Variants in UBP1 observed in about 807,000 individuals in gnomAD.
UBP1 encodes upstream-binding protein 1.
In UBP1, 22 loss-of-function variants were observed where a neutral mutation model predicts 76.1. The ratio of observed to expected loss-of-function variants is 0.29; its 90% CI spans 0.21 to 0.41. The LOEUF is 0.41. Among genes scored for constraint, UBP1 ranks in the 10% least tolerant of loss-of-function variants. The probability of loss-of-function intolerance (pLI) is 1.00; values close to 1 mark genes in which losing one functional copy is unlikely to be tolerated. For missense variants in UBP1, 436 were observed against 668.1 expected (o/e 0.65, Z 3.83); for synonymous variants, 224 against 237.1 (o/e 0.94, Z 0.51).
At chr3:33,398,550 A>C (rs1274784155) in intron 11 of UBP1, 1 of 152,440 alleles carries the variant, frequency 6.6e-6, no homozygotes, top group Non-Finnish European at 1.5e-5. Context: ...GGATCAGAGC[A>C]AGAAGACTCA....
intron 2 of UBP1, 93 bp from the exon 3 acceptor site, chr3:33,416,927 T>C: frequency 9.4e-7 from 1 of 1,068,704 alleles, no homozygotes; most frequent in Non-Finnish European, 1.4e-6. Flanking sequence ...AGAACATACA[T>C]TACACAATGA....
At chr3:33,396,113 T>C (rs2043982283) in intron 13 of UBP1, 49 bp downstream of exon 13, 3 of 1,471,564 alleles carry the variant, frequency 2.0e-6, no homozygotes, top group South Asian at 2.7e-5. Flanking sequence ...TTTCCGTTTC[T>C]GTCTGACAGT....
intron 1 of UBP1, among the ~76,000 whole-genome samples, chr3:33,434,304 T>TC (rs373747298): frequency 0.089 from 12,905 of 144,562 alleles, 617 homozygotes; most frequent in Admixed American, 0.14. Flanking sequence ...TTTTTTTTTT[T>TC]TTTTTTTTTT....
At chr3:33,408,581 C>A in intron 8 of UBP1, 109 bp downstream of exon 8, 1 of 755,050 alleles carries the variant, frequency 1.3e-6, no homozygotes, top group Non-Finnish European at 2.1e-6. Context: ...TAAATCAAGA[C>A]ATGGACATCA....
At chr3:33,428,580 T>C (rs780175449) in intron 1 of UBP1, among the ~76,000 whole-genome samples, 3 of 152,020 alleles carry the variant, frequency 2.0e-5, no homozygotes, top group Non-Finnish European at 4.4e-5. Flanking sequence ...ACACAGAAAA[T>C]ACTATGCTCA....
intron 15 of UBP1, 136 bp from the exon 16 acceptor site, chr3:33,390,504 A>C: frequency 1.1e-6 from 1 of 895,918 alleles, no homozygotes; most frequent in East Asian, 2.6e-5. Flanking sequence ...AGAAACAAGC[A>C]GATTAACTTG....
At chr3:33,401,152 G>T in intron 9 of UBP1, 136 bp from the exon 10 acceptor site, 1 of 688,964 alleles carries the variant, frequency 1.5e-6, no homozygotes. Context: ...ATGAAAGTCT[G>T]CAACAAAATG....
chr3:33,398,228 C>CTAA (rs2044083606), intron 11 of UBP1: 1 of 152,194 alleles, frequency 6.6e-6, no homozygotes, highest in Admixed American at 6.5e-5. Context: ...TAGCCACTTA[C>CTAA]ATATGTAGAA....
chr3:33,421,674 T>C (rs190856927), intron 2 of UBP1, among the ~76,000 whole-genome samples: 3 of 152,372 alleles, frequency 2.0e-5, no homozygotes, highest in Admixed American at 1.3e-4. Context: ...CTCCAATTTC[T>C]ACTGACAAAG....
intron 13 of UBP1, among the ~76,000 whole-genome samples, chr3:33,395,490 A>C (rs17030579): frequency 6.6e-6 from 1 of 151,740 alleles, no homozygotes; most frequent in Non-Finnish European, 1.5e-5. Flanking sequence ...AAGAGGGAGA[A>C]GCCAAGATTA....
In UBP1 at chr3:33,412,249, C is replaced by G. The variant is rs189683251; in HGVS notation, c.448+473G>C. On this transcript the variant is annotated intron_variant, in intron 4 of 15. Transcript: ENST00000283629. ...TAAACGGTTTCAAAATCATAAAATT[C>G]CAGGTTCACATTAGTTTAGCACCAA... Among the ~76,000 whole-genome samples the G allele has an allele frequency of 4.2e-3, 637 of 150,748 alleles. 5 individuals carry two copies. Among genetic ancestry groups the G allele is most frequent in the Admixed American group, 6.9e-3 (105 of 15,144 alleles).
intron 2 of UBP1, among the ~76,000 whole-genome samples, chr3:33,421,762 A>G (rs928996348): frequency 6.6e-6 from 1 of 152,130 alleles, no homozygotes; most frequent in Admixed American, 6.5e-5. Context: ...AAGAATGACC[A>G]TTTCGGCTGG....
chr3:33,411,527 AC>A, intron 5 of UBP1, 53 bp downstream of exon 5: 1 of 1,478,094 alleles, frequency 6.8e-7, no homozygotes, highest in Admixed American at 1.7e-5. Context: ...ATTCAATCCT[AC>A]CATGACCTAA....
At position 33,393,454 on chromosome 3, in the gene UBP1, A is replaced by G; in HGVS notation, c.1391T>C (p.Val464Ala). The G allele has an allele frequency of 6.3e-7, 1 of 1,591,592 alleles. No individual in the cohort carries two copies. Among genetic ancestry groups the G allele is most frequent in the Non-Finnish European group, 8.5e-7 (1 of 1,173,840 alleles). Residue 464 changes from valine to alanine, a missense_variant and splice_region_variant, in exon 14 of 16, where the codon GTT becomes GCT. Physicochemically the swap from Val to Ala is moderately conservative, Grantham distance 64. Transcript: ENST00000283629. ...TTCTTCCAAGTAGATTGCATGATAAACTGAAATTAAAAAAAAAAAAAGAAA... is the reference window on the plus strand; with the variant it reads ...TTCTTCCAAGTAGATTGCATGATAAGCTGAAATTAAAAAAAAAAAAAGAAA... The part of the protein sequence containing the change: ...ASENGSGAPY[V>A]YHAIYLEEMI...
Position 33,439,964 on chromosome 3 carries a change from G to A in UBP1, c.-116C>T. 1 of 1,125,488 alleles carries A rather than the reference G, an allele frequency of 8.9e-7. No individual in the cohort carries two copies. Among genetic ancestry groups the A allele is most frequent in the Non-Finnish European group, 1.2e-6 (1 of 805,190 alleles). 69.7% of individuals were successfully genotyped at this position (1,125,488 alleles called of 1,614,324 possible). On this transcript the variant is annotated 5_prime_UTR_variant, in exon 1 of 16. Coordinates refer to ENST00000283629, the MANE Select transcript of UBP1 (RefSeq NM_014517.5). ...CGGGTGAAGCCTCCGGAGGGGCGGC[G>A]AGTGGTCACCAGCGGCGGCCGGGAC...
At chr3:33,434,290 T>C (rs1421273378) in intron 1 of UBP1, among the ~76,000 whole-genome samples, 1 of 57,228 alleles carries the variant, frequency 1.7e-5, no homozygotes, top group Non-Finnish European at 2.9e-5. Flanking sequence ...CAGCAAATCC[T>C]TTTTTTTTTT....
At chr3:33,401,210 A>G (rs910232500) in intron 9 of UBP1, among the ~76,000 whole-genome samples, 194 bp from the exon 10 acceptor site, 1 of 152,246 alleles carries the variant, frequency 6.6e-6, no homozygotes, top group Non-Finnish European at 1.5e-5. Context: ...ATTAAGACAC[A>G]GAAGACTGTG....
At chr3:33,438,816 A>G (rs2045241119) in intron 1 of UBP1, among the ~76,000 whole-genome samples, 2 of 152,214 alleles carry the variant, frequency 1.3e-5, no homozygotes, top group Non-Finnish European at 2.9e-5. Context: ...AGTAAGATGT[A>G]TGAATGCTAC....
Position 33,400,286 on chromosome 3 carries a change from T to G in UBP1, c.1087-4A>C, listed in dbSNP as rs776050805. On this transcript the variant is annotated splice_region_variant and splice_polypyrimidine_tract_variant and intron_variant, in intron 10 of 15. Coordinates refer to ENST00000283629, the MANE Select transcript of UBP1 (RefSeq NM_014517.5). ...TCGTAGCTGAAGGCTGAATTTGCTA[T>G]TAACAATGAAAATGAACATAAATAA... The G allele has an allele frequency of 6.3e-7, 1 of 1,590,464 alleles. No homozygotes were observed. The highest frequency in any genetic ancestry group is 2.3e-5 in the East Asian group (1 of 44,384).
Sources: allele counts gnomAD v4.1 joint callset (sites outside exome capture counted in the v4.1 genomes callset), GRCh38; gene constraint gnomAD v4.1.1; transcripts MANE v1.5; gene names NCBI Gene and HGNC (gene_info 2026-07-23, HGNC 2026-07-21).